The following EYS variants were observed in gnomAD, a reference collection of about 807,000 sequenced individuals.
The protein encoded by EYS is EGF-like photoreceptor maintenance factor.
EYS carries 250 observed loss-of-function variants against 282.1 expected under a neutral mutation model. The ratio of observed to expected loss-of-function variants is 0.89; its 90% CI spans 0.80 to 0.98. EYS has a LOEUF of 0.98. Among genes scored for constraint, EYS ranks in the 50% least tolerant of loss-of-function variants. The probability of loss-of-function intolerance (pLI) is 0.00; values close to 1 mark genes in which losing one functional copy is unlikely to be tolerated. For missense variants in EYS, 4,016 were observed against 3,709.0 expected, an observed-to-expected ratio of 1.08 and a Z score of -2.15; for synonymous variants, 1,355 against 1,282.9, an observed-to-expected ratio of 1.06 and a Z score of -1.20.
chr6:64,999,179 C>A (rs1771373570), intron 13 of EYS, among the ~76,000 whole-genome samples: 1 of 151,960 alleles, frequency 6.6e-6, no homozygotes, highest in Admixed American at 6.6e-5. Flanking sequence ...AGAAGAGAAC[C>A]TAGAGAACTA....
At chr6:64,879,279 A>G (rs1036274243) in intron 19 of EYS, among the ~76,000 whole-genome samples, 4 of 152,118 alleles carry the variant, frequency 2.6e-5, no homozygotes, top group Admixed American at 2.6e-4. Flanking sequence ...ATGCTCACTC[A>G]CAAATAGTAT....
intron 29 of EYS, among the ~76,000 whole-genome samples, chr6:64,363,412 C>G (rs1772082729): frequency 6.6e-6 from 1 of 151,820 alleles, no homozygotes; most frequent in African/African-American, 2.4e-5. Flanking sequence ...GTGGCAGGGA[C>G]TTGGTGGTGA....
In EYS at chr6:63,745,249, G is replaced by T. The variant is rs577456825; in HGVS notation, c.8071+17212C>A. On this transcript the variant is annotated intron_variant, in intron 41 of 42. Coordinates refer to ENST00000503581, the MANE Select transcript of EYS (RefSeq NM_001142800.2). The stretch of plus-strand genomic sequence containing the variant: ...TCCACCAAAAAACTGGAACCCTAAA[G>T]ATACACTCAGTGAAAGGGTGAATTA... 4.6e-5 allele frequency among the ~76,000 whole-genome samples: 7 copies of T among 152,242 alleles called. No individual in the cohort carries two copies. The East Asian group carries it at 1.4e-3, about 29-fold the overall frequency.
chr6:64,369,081 A>T (rs553003230), intron 29 of EYS, among the ~76,000 whole-genome samples: 1 of 152,252 alleles, frequency 6.6e-6, no homozygotes, highest in South Asian at 2.1e-4. Flanking sequence ...ATTTTTGTAT[A>T]TGGTATAAGG....
intron 12 of EYS, among the ~76,000 whole-genome samples, chr6:65,172,427 G>A (rs183356641): frequency 5.2e-4 from 79 of 151,440 alleles, no homozygotes; most frequent in Non-Finnish European, 9.0e-4. Context: ...AGCATATGCA[G>A]GTTCCCAAAG....
At chr6:64,904,756 G>A (rs1393719726) in intron 16 of EYS, among the ~76,000 whole-genome samples, 1 of 152,144 alleles carries the variant, frequency 6.6e-6, no homozygotes, top group African/African-American at 2.4e-5. Context: ...CAGCTGTGCT[G>A]ATGAATCAGA....
chr6:64,087,224 A>G (rs1481572049), intron 31 of EYS, among the ~76,000 whole-genome samples: 1 of 152,154 alleles, frequency 6.6e-6, no homozygotes, highest in Non-Finnish European at 1.5e-5. Flanking sequence ...GGAGTCACTA[A>G]TGAATTCAAC....
At chr6:65,403,321 T>A (rs1463014609) in intron 6 of EYS, among the ~76,000 whole-genome samples, 1 of 152,202 alleles carries the variant, frequency 6.6e-6, no homozygotes, top group East Asian at 1.9e-4. Flanking sequence ...TAATTTCACC[T>A]GCATTCAAAA....
In EYS at chr6:63,799,163, G is replaced by T. The variant is rs545623817; in HGVS notation, c.7411+7027C>A. 2.4e-4 allele frequency among the ~76,000 whole-genome samples: 36 copies of T among 151,158 alleles called. 1 individual carries two copies. In the South Asian group the frequency reaches 7.5e-3, roughly 32 times the overall value. The stretch of plus-strand genomic sequence containing the variant: ...TGAGTAGCTGGGATTACAGGTGCCT[G>T]CCACCACACCCAGCTAATTTTTGTA... On this transcript the variant is annotated intron_variant, in intron 37 of 42. Coordinates refer to ENST00000503581, the MANE Select transcript of EYS (RefSeq NM_001142800.2).
At chr6:64,109,576 A>G (rs1456024057) in intron 31 of EYS, among the ~76,000 whole-genome samples, 1 of 152,160 alleles carries the variant, frequency 6.6e-6, no homozygotes, top group Non-Finnish European at 1.5e-5. Flanking sequence ...ATGACTACCA[A>G]CTGTAAGGGA....
chr6:64,235,840 C>T (rs1171743533), intron 30 of EYS, among the ~76,000 whole-genome samples: 1 of 152,052 alleles, frequency 6.6e-6, no homozygotes, highest in Non-Finnish European at 1.5e-5. Flanking sequence ...AATAGCTTAC[C>T]AACCAAAAAG....
At chr6:65,566,749 A>G (rs4314478) in intron 2 of EYS, among the ~76,000 whole-genome samples, 112,391 of 152,028 alleles carry the variant, frequency 0.74, 42,165 homozygotes, top group African/African-American at 0.86. Context: ...TCTAAAAAGT[A>G]AGAAAATTAT....
chr6:65,632,528 T>A (rs1371205398), intron 2 of EYS, among the ~76,000 whole-genome samples: 1 of 152,220 alleles, frequency 6.6e-6, no homozygotes, highest in Non-Finnish European at 1.5e-5. Flanking sequence ...GTGAGCATGT[T>A]ATTATTCATG....
intron 22 of EYS, among the ~76,000 whole-genome samples, chr6:64,687,705 G>A (rs951470382): frequency 3.3e-5 from 5 of 152,164 alleles, no homozygotes; most frequent in Admixed American, 2.6e-4. Context: ...TCTCTGCCAC[G>A]CTTTGTTATC....
chr6:65,048,875 C>T (rs1043971658), intron 13 of EYS, among the ~76,000 whole-genome samples: 1 of 151,750 alleles, frequency 6.6e-6, no homozygotes, highest in African/African-American at 2.4e-5. Flanking sequence ...CTGAAATTAT[C>T]CAATTACCTA....
intron 22 of EYS, among the ~76,000 whole-genome samples, chr6:64,711,593 G>A (rs539557910): frequency 5.3e-5 from 8 of 152,144 alleles, no homozygotes; most frequent in South Asian, 4.2e-4. Context: ...ATAATGAATC[G>A]GCTCATTCTT....
At chr6:64,964,470 T>C (rs1770030434) in intron 14 of EYS, among the ~76,000 whole-genome samples, 1 of 152,184 alleles carries the variant, frequency 6.6e-6, no homozygotes, top group Non-Finnish European at 1.5e-5. Flanking sequence ...TATGTTAAAT[T>C]ACATTTTTCT....
intron 24 of EYS, among the ~76,000 whole-genome samples, chr6:64,602,425 A>T (rs1766790538): frequency 6.6e-6 from 1 of 152,084 alleles, no homozygotes; most frequent in Admixed American, 6.6e-5. Context: ...AGAGTTCAAT[A>T]GGCACCAGTC....
At chr6:64,708,961 A>T (rs9452488) in intron 22 of EYS, among the ~76,000 whole-genome samples, 149,297 of 152,284 alleles carry the variant, frequency 0.98, 73,217 homozygotes, top group Non-Finnish European at 1. Context: ...ATCGTGTTTA[A>T]TTTGAATATT....
Sources: allele counts gnomAD v4.1 joint callset (sites outside exome capture counted in the v4.1 genomes callset), GRCh38; gene constraint gnomAD v4.1.1; transcripts MANE v1.5; gene names NCBI Gene and HGNC (gene_info 2026-07-23, HGNC 2026-07-21).